The following TTC34 variants were observed in gnomAD, a reference collection of about 807,000 sequenced individuals.
The protein encoded by TTC34 is tetratricopeptide repeat protein 34.
Under a neutral mutation model 40.7 loss-of-function variants are expected in TTC34, and 44 were observed. The observed-to-expected ratio is 1.08, with a 90% CI of 0.85 to 1.39. The LOEUF is 1.39. TTC34 is among the 40% of genes most tolerant of loss of function. The pLI, the probability that TTC34 is intolerant of heterozygous loss-of-function variation, is 0.00. For synonymous variants in TTC34, 422 were observed against 398.6 expected (o/e 1.06, Z -0.70); for missense variants, 884 against 838.0 (o/e 1.05, Z -0.68).
chr1:2,793,006 A>G (rs1249403565), intron 2 of TTC34, among the ~76,000 whole-genome samples: 1 of 152,218 alleles, frequency 6.6e-6, no homozygotes, highest in African/African-American at 2.4e-5. Context: ...TCCAGCTTTT[A>G]TAATCGTTAT....
At chr1:2,752,696 C>A (rs1231947427) in intron 6 of TTC34, among the ~76,000 whole-genome samples, 6 of 140,146 alleles carry the variant, frequency 4.3e-5, no homozygotes, top group African/African-American at 1.7e-4. Flanking sequence ...CCCATACGCC[C>A]AGATGAGCAT....
At chr1:2,641,420 C>G (rs1300725393) in exon 9 of TTC34, 3 of 1,532,610 alleles carry the variant, frequency 2.0e-6, no homozygotes, top group Admixed American at 2.0e-5. Flanking sequence ...GGCCTTCAGT[C>G]TCTTCAGGCC....
In TTC34 at chr1:2,700,143, C is replaced by T. The variant is rs1237222968; in HGVS notation, c.2227-54580G>A. Among the ~76,000 whole-genome samples, 2 of 104,668 alleles carry T rather than the reference C, an allele frequency of 1.9e-5. 1 individual carries two copies. The highest frequency in any genetic ancestry group is 4.5e-5 in the Non-Finnish European group (2 of 44,886). The allele number at this position is 104,668 out of a possible 152,430, so 68.7% of individuals were successfully genotyped here. A position where few individuals can be genotyped will look rare whatever the true frequency, so the allele number is the denominator to read the frequency against. On this transcript the variant is annotated intron_variant, in intron 6 of 8. Transcript: ENST00000401095. ...GAGCAGCATCCTCACCCCAGGTGAG[C>T]ATCGGACATCCTGGAGCATCACATA...
At chr1:2,749,428 G>T (rs1569686026) in intron 6 of TTC34, among the ~76,000 whole-genome samples, 1 of 138,976 alleles carries the variant, frequency 7.2e-6, no homozygotes, top group Non-Finnish European at 1.5e-5. Flanking sequence ...GTGACAGCCT[G>T]GAACAGCACC....
chr1:2,688,613 C>G, intron 6 of TTC34, among the ~76,000 whole-genome samples: 1 of 139,424 alleles, frequency 7.2e-6, no homozygotes, highest in Non-Finnish European at 1.5e-5. Flanking sequence ...ACCCACACCC[C>G]CAGGTGCGCA....
intron 6 of TTC34, among the ~76,000 whole-genome samples, chr1:2,682,046 T>G (rs1240261885): frequency 9.1e-5 from 5 of 54,826 alleles, no homozygotes; most frequent in South Asian, 6.6e-4. Flanking sequence ...GCATCTGACA[T>G]TGTGGAGCAG....
chr1:2,649,072 C>T lies in TTC34; in HGVS notation c.2227-3509G>A, dbSNP rs539231135. On this transcript the variant is annotated intron_variant, in intron 6 of 8. Transcript: ENST00000401095. Reference sequence around the variant, plus strand: ...CAGGTGAAAATCTTACAGCCTGGAACGGCACCTTCCACCCCCAGGTGAGCA... The same window carrying T: ...CAGGTGAAAATCTTACAGCCTGGAATGGCACCTTCCACCCCCAGGTGAGCA... Among the ~76,000 whole-genome samples, 7 of 148,088 alleles carry T rather than the reference C, an allele frequency of 4.7e-5. No individual in the cohort carries two copies. In the South Asian group the frequency reaches 6.6e-4, roughly 14 times the overall value.
At chr1:2,752,824 C>CAGCA (rs1641368883) in intron 6 of TTC34, among the ~76,000 whole-genome samples, 1 of 64,982 alleles carries the variant, frequency 1.5e-5, no homozygotes, top group Non-Finnish European at 3.0e-5. Context: ...TCCCCAGGTG[C>CAGCA]GCACCTGACA....
At chr1:2,654,169 C>G (rs1353319468) in intron 6 of TTC34, among the ~76,000 whole-genome samples, 198 of 130,086 alleles carry the variant, frequency 1.5e-3, no homozygotes, top group Admixed American at 4.5e-3. Context: ...AGCACCCACA[C>G]CCCCAGGCGA....
chr1:2,677,764 A>T (rs1380792780), intron 6 of TTC34, among the ~76,000 whole-genome samples: 38 of 144,980 alleles, frequency 2.6e-4, no homozygotes, highest in South Asian at 9.0e-4. Flanking sequence ...CTGGAACAGC[A>T]CCCACACCCC....
chr1:2,785,665 C>T (rs548599380), intron 5 of TTC34, among the ~76,000 whole-genome samples, 154 bp downstream of exon 5: 1 of 152,300 alleles, frequency 6.6e-6, no homozygotes, highest in South Asian at 2.1e-4. Context: ...ATGCCCTCAG[C>T]GAGTGGCCCT....
exon 6 of TTC34, chr1:2,783,755 G>A (rs1419132144): frequency 8.5e-6 from 13 of 1,525,370 alleles, no homozygotes; most frequent in Non-Finnish European, 1.1e-5. Flanking sequence ...CGGGCAAGGA[G>A]GGACTCACTT....
intron 6 of TTC34, among the ~76,000 whole-genome samples, chr1:2,764,160 C>G (rs1377998800): frequency 4.1e-5 from 6 of 145,162 alleles, no homozygotes; most frequent in African/African-American, 1.5e-4. Flanking sequence ...GAGAATCTGA[C>G]GCATAAAACA....
intron 6 of TTC34, among the ~76,000 whole-genome samples, chr1:2,749,719 G>T (rs1318989380): frequency 5.7e-5 from 1 of 17,578 alleles, no homozygotes; most frequent in Non-Finnish European, 1.1e-4. Flanking sequence ...GGAACAGCAC[G>T]CACAACCCCA....
intron 6 of TTC34, among the ~76,000 whole-genome samples, chr1:2,655,595 C>A (rs1172987990): frequency 1.3e-5 from 2 of 149,948 alleles, no homozygotes; most frequent in African/African-American, 4.9e-5. Context: ...ATCTGACAGC[C>A]TGGAACAGCA....
Position 2,796,195 on chromosome 1 carries a change from C to G in TTC34, c.784+3849G>C, listed in dbSNP as rs1456606217. ...CAGAACTGGAGCTCATTCATTTCTA[C>G]TCATTATGGATCACCCAGCCCGTGG... On this transcript the variant is annotated intron_variant, in intron 2 of 8. Transcript: ENST00000401095. This position sits in a 1 kb window ranked among gnomAD's most constrained non-coding sequence, Gnocchi z 4.5. Among the ~76,000 whole-genome samples, 1 of 152,166 alleles carries G rather than the reference C, an allele frequency of 6.6e-6. No individual in the cohort carries two copies. The highest frequency in any genetic ancestry group is 1.5e-5 in the Non-Finnish European group (1 of 68,034).
chr1:2,780,144 G>T (rs966259604), intron 6 of TTC34, among the ~76,000 whole-genome samples: 1 of 152,124 alleles, frequency 6.6e-6, no homozygotes, highest in African/African-American at 2.4e-5. Flanking sequence ...TGGCTTTGTT[G>T]TTGTTGAGTT....
At chr1:2,686,662 G>C (rs1640365214) in intron 6 of TTC34, among the ~76,000 whole-genome samples, 14 of 151,490 alleles carry the variant, frequency 9.2e-5, no homozygotes, top group Admixed American at 9.2e-4. Context: ...GCATCTGACA[G>C]CCTGGAACAG....
In TTC34 at chr1:2,644,199, C is replaced by T. The variant is rs1570745521; in HGVS notation, c.2712+65G>A. On this transcript the variant is annotated intron_variant, in intron 8 of 8. Transcript: ENST00000401095. ...AGAAAGGCTGCCCCAGTGGTGGGCC[C>T]GGGGGTCTCATGCCTGTGTGCTGGG... is the stretch of plus-strand genomic sequence containing the variant. The T allele has an allele frequency of 1.4e-5, 21 of 1,459,814 alleles. No homozygotes were observed. The East Asian group carries it at 5.0e-4, about 35-fold the overall frequency. The allele number at this position is 1,459,814 out of a possible 1,614,324, so 90.4% of individuals were successfully genotyped here. A position where few individuals can be genotyped will look rare whatever the true frequency, so the allele number is the denominator to read the frequency against.
Sources: allele counts gnomAD v4.1 joint callset (sites outside exome capture counted in the v4.1 genomes callset), GRCh38; gene constraint gnomAD v4.1.1; non-coding constraint Gnocchi (gnomAD v3.1); transcripts MANE v1.5; gene names NCBI Gene and HGNC (gene_info 2026-07-23, HGNC 2026-07-21).